The following FAM169A variants were observed in gnomAD, a reference collection of about 807,000 sequenced individuals.
The protein encoded by FAM169A is family with sequence similarity 169 member A.
A neutral mutation model predicts 75.7 loss-of-function variants in FAM169A; 24 were observed. The ratio of observed to expected loss-of-function variants is 0.32; its 90% CI spans 0.23 to 0.45. FAM169A has a LOEUF of 0.45. Among genes scored for constraint, FAM169A ranks in the 20% least tolerant of loss-of-function variants. FAM169A has a pLI of 1.00. For missense variants in FAM169A, 673 were observed against 784.0 expected (o/e 0.86, Z 1.69); for synonymous variants, 271 against 271.0 (o/e 1.00, Z 0.00).
intron 5 of FAM169A, among the ~76,000 whole-genome samples, chr5:74,818,678 C>T (rs931360395): frequency 6.7e-6 from 1 of 149,422 alleles, no homozygotes; most frequent in Non-Finnish European, 1.5e-5. Context: ...AGTGTTTCCT[C>T]GGGAACAAAT....
intron 5 of FAM169A, among the ~76,000 whole-genome samples, chr5:74,819,188 C>G (rs1201921688): frequency 6.6e-6 from 1 of 150,664 alleles, no homozygotes; most frequent in East Asian, 1.9e-4. Context: ...CACTGCACTC[C>G]AGCCTGGGTG....
intron 1 of FAM169A, among the ~76,000 whole-genome samples, chr5:74,849,823 G>A (rs999661262): frequency 2.6e-5 from 4 of 152,088 alleles, no homozygotes; most frequent in African/African-American, 9.7e-5. Flanking sequence ...TATGAGAGCC[G>A]AGTTTTTGAA....
rs60236324 is a variant in FAM169A, at chr5:74,824,708, T to TACAC, written c.490+9714_490+9717dup. The stretch of plus-strand genomic sequence containing the variant: ...TGACCACTTTCCTGATACACACACA[T>TACAC]ACACACACACACACACACACATACA... On this transcript the variant is annotated intron_variant, in intron 5 of 12. Transcript: ENST00000687041. Among the ~76,000 whole-genome samples the TACAC allele has an allele frequency of 5.4e-5, 8 of 147,410 alleles. No homozygotes were observed. In the South Asian group the frequency reaches 6.4e-4, roughly 12 times the overall value.
intron 7 of FAM169A, 100 bp from the exon 8 acceptor site, chr5:74,804,705 AC>A (rs1746772714): frequency 3.3e-6 from 2 of 608,538 alleles, no homozygotes; most frequent in African/African-American, 3.7e-5. Flanking sequence ...AGCAGCCTGG[AC>A]AGAAGGGTCA....
rs755287315 is a variant in FAM169A, at chr5:74,800,902, A to T, written c.1081T>A (p.Ser361Thr). Residue 361 changes from serine (S) to threonine (T), a missense_variant, in exon 10 of 13, where the codon TCA becomes ACA. This residue lies in a region of FAM169A where 510 missense variants were observed against 550.9 expected (regional missense o/e 0.93). Transcript: ENST00000687041. The stretch of plus-strand genomic sequence containing the variant: ...TACTTGTTTATTGAAGCTGTAAGTG[A>T]AGTCTGGGAGGTCTTTTCATCTTCA... ...QGEDEKTSQT[S>T]LTASINKLES... 2.1e-6 allele frequency: 3 copies of T among 1,456,172 alleles called. No individual in the cohort carries two copies. Among genetic ancestry groups the T allele is most frequent in the Middle Eastern group, 1.8e-4 (1 of 5,542 alleles). 90.2% of individuals were successfully genotyped at this position (1,456,172 alleles called of 1,614,324 possible).
chr5:74,844,092 T>C (rs1749022699), intron 1 of FAM169A, among the ~76,000 whole-genome samples: 1 of 152,182 alleles, frequency 6.6e-6, no homozygotes, highest in African/African-American at 2.4e-5. Flanking sequence ...AAAGAAAATA[T>C]AAATTAAAAG....
At chr5:74,834,002 T>C (rs1748447663) in intron 5 of FAM169A, among the ~76,000 whole-genome samples, 1 of 152,214 alleles carries the variant, frequency 6.6e-6, no homozygotes, top group South Asian at 2.1e-4. Context: ...CTCTTTCATA[T>C]GTCAGGCTGA....
At chr5:74,863,119 T>C (rs528247975) in intron 1 of FAM169A, among the ~76,000 whole-genome samples, 1 of 152,026 alleles carries the variant, frequency 6.6e-6, no homozygotes, top group Non-Finnish European at 1.5e-5. Flanking sequence ...TAGTCCCCTA[T>C]ACAGAGCATG....
chr5:74,834,607 G>A lies in FAM169A; in HGVS notation c.319-10C>T. ...CCCCAAGAGTGCTCACCTACAAAGAGAGTCAAACACCAGGCACAGCAGTTA... is the reference window on the plus strand; with the variant it reads ...CCCCAAGAGTGCTCACCTACAAAGAAAGTCAAACACCAGGCACAGCAGTTA... On this transcript the variant is annotated splice_polypyrimidine_tract_variant and intron_variant, in intron 4 of 12. Transcript: ENST00000687041. The A allele has an allele frequency of 4.0e-6, 6 of 1,515,350 alleles. No individual in the cohort carries two copies. Among genetic ancestry groups the A allele is most frequent in the Non-Finnish European group, 5.3e-6 (6 of 1,134,760 alleles). The allele number at this position is 1,515,350 out of a possible 1,614,324, so 93.9% of individuals were successfully genotyped here.
chr5:74,778,913 A>C lies in FAM169A; in HGVS notation c.*2547T>G, dbSNP rs982592928. 6.6e-6 allele frequency: 1 copy of C among 152,060 alleles called. No homozygotes were observed. The highest frequency in any genetic ancestry group is 1.5e-5 in the Non-Finnish European group (1 of 67,920). The allele number at this position is 152,060 out of a possible 1,614,324, so 9.4% of individuals were successfully genotyped here. On this transcript the variant is annotated 3_prime_UTR_variant, in exon 13 of 13. Coordinates refer to ENST00000687041, the MANE Select transcript of FAM169A (RefSeq NM_001376049.1). ...AAATTTTTTCTAATGCCTTGCAAAA[A>C]CTACAGATAACTGATTAAGTTCATG...
chr5:74,821,752 G>A (rs1747777164), intron 5 of FAM169A, among the ~76,000 whole-genome samples: 1 of 152,156 alleles, frequency 6.6e-6, no homozygotes, highest in African/African-American at 2.4e-5. Context: ...TGAAGGAACT[G>A]TTTCAGTTAC....
rs949482721 is a variant in FAM169A, at chr5:74,836,429, T to C, written c.319-1832A>G. Among the ~76,000 whole-genome samples, 7 of 152,316 alleles carry C rather than the reference T, an allele frequency of 4.6e-5. No individual in the cohort carries two copies. In the East Asian group the frequency reaches 7.7e-4, roughly 17 times the overall value. On this transcript the variant is annotated intron_variant, in intron 4 of 12. Transcript: ENST00000687041. ...GTCACTGACAAAATGAAGGACACAA[T>C]GGACAAAGTCTTGCAGCATACTACT...
At position 74,798,858 on chromosome 5, in the gene FAM169A, A is replaced by C. The variant is rs1050375302; in HGVS notation, c.1103+2022T>G. On this transcript the variant is annotated intron_variant, in intron 10 of 12. Coordinates refer to ENST00000687041, the MANE Select transcript of FAM169A (RefSeq NM_001376049.1). ...AATAGCCCAGTAAAATGAATCAATA[A>C]AGTAAAATTGAGGGTATTTTAAAAC... 7 of 489,672 alleles carry C rather than the reference A, an allele frequency of 1.4e-5. No individual in the cohort carries two copies. In the Admixed American group the frequency reaches 2.4e-4, roughly 17 times the overall value. 30.3% of individuals were successfully genotyped at this position (489,672 alleles called of 1,614,324 possible). A position where few individuals can be genotyped will look rare whatever the true frequency, so the allele number is the denominator to read the frequency against.
chr5:74,844,135 A>T (rs1749025220), intron 1 of FAM169A, among the ~76,000 whole-genome samples: 1 of 152,238 alleles, frequency 6.6e-6, no homozygotes, highest in African/African-American at 2.4e-5. Context: ...CACTGCAGAG[A>T]GTATCCGGAT....
chr5:74,841,937 G>A (rs950252600), intron 1 of FAM169A, among the ~76,000 whole-genome samples: 2 of 151,942 alleles, frequency 1.3e-5, no homozygotes, highest in African/African-American at 4.8e-5. Context: ...AATAAATATG[G>A]TCACATAGGC....
intron 11 of FAM169A, among the ~76,000 whole-genome samples, chr5:74,795,214 C>T (rs969999835): frequency 6.6e-6 from 1 of 152,096 alleles, no homozygotes; most frequent in Non-Finnish European, 1.5e-5. Flanking sequence ...GCCAAGATCA[C>T]GCCACTGCAC....
chr5:74,812,958 C>T (rs143095435), intron 6 of FAM169A, among the ~76,000 whole-genome samples: 179 of 152,236 alleles, frequency 1.2e-3, no homozygotes, highest in African/African-American at 4.1e-3. Flanking sequence ...AGTTGTGGTA[C>T]AGCCATACAA....
intron 5 of FAM169A, among the ~76,000 whole-genome samples, chr5:74,819,315 T>C (rs1299734943): frequency 1.3e-5 from 2 of 152,178 alleles, no homozygotes; most frequent in Non-Finnish European, 2.9e-5. Flanking sequence ...TCAACATTCT[T>C]AGCCACCAGG....
chr5:74,804,151 T>C (rs908724000), intron 8 of FAM169A, among the ~76,000 whole-genome samples: 1 of 152,082 alleles, frequency 6.6e-6, no homozygotes, highest in Non-Finnish European at 1.5e-5. Context: ...TACAGATACA[T>C]GCTTTATAAT....
Sources: allele counts gnomAD v4.1 joint callset (sites outside exome capture counted in the v4.1 genomes callset), GRCh38; gene constraint gnomAD v4.1.1; regional missense constraint gnomAD v4.1.1; transcripts MANE v1.5; gene names NCBI Gene and HGNC (gene_info 2026-07-23, HGNC 2026-07-21).